NRXN3: variants seen among roughly 807,000 people sequenced by gnomAD.
NRXN3 encodes neurexin III.
Under a neutral mutation model 137.6 loss-of-function variants are expected in NRXN3, and 32 were observed. That is an observed-to-expected ratio of 0.23 (90% CI 0.18 to 0.31). NRXN3 has a LOEUF of 0.31. Ranked by LOEUF, NRXN3 falls within the 10% of genes least tolerant of loss-of-function variation. The pLI is 1.00. For synonymous variants in NRXN3, 798 were observed against 784.5 expected (o/e 1.02, Z -0.29); for missense variants, 1,574 against 2,062.5 (o/e 0.76, Z 4.59).
At chr14:78,191,045 A>G (rs1268391631) in intron 1 of NRXN3, among the ~76,000 whole-genome samples, 1 of 152,188 alleles carries the variant, frequency 6.6e-6, no homozygotes, top group Non-Finnish European at 1.5e-5. Flanking sequence ...ATAAGGGAAG[A>G]CAATGAAATT....
At chr14:78,857,452 A>T (rs1410274748) in intron 10 of NRXN3, among the ~76,000 whole-genome samples, 1 of 152,138 alleles carries the variant, frequency 6.6e-6, no homozygotes, top group Non-Finnish European at 1.5e-5. Context: ...TAGAAATTTG[A>T]TGCGTCCAAA....
intron 17 of NRXN3, among the ~76,000 whole-genome samples, chr14:79,668,245 A>G (rs761098548): frequency 5.3e-4 from 80 of 152,118 alleles, no homozygotes; most frequent in Non-Finnish European, 5.3e-4. Context: ...CAAATTCCAC[A>G]GAAACTTGTC....
chr14:79,447,429 C>T (rs1399035671), intron 15 of NRXN3, among the ~76,000 whole-genome samples: 2 of 152,150 alleles, frequency 1.3e-5, no homozygotes, highest in Non-Finnish European at 2.9e-5. Context: ...AAAAAGGTAG[C>T]AGCAATTTGC....
intron 15 of NRXN3, among the ~76,000 whole-genome samples, chr14:79,106,507 A>C (rs574832581): frequency 6.6e-6 from 1 of 152,238 alleles, no homozygotes; most frequent in East Asian, 1.9e-4. Flanking sequence ...AAGTGCATTA[A>C]AAAAAGAGCA....
rs2098831062 is a variant in NRXN3 at position 78,799,011 on chromosome 14, G to A, written c.2045-4609G>A. Among the ~76,000 whole-genome samples, 6 of 152,332 alleles carry A rather than the reference G, an allele frequency of 3.9e-5. No homozygotes were observed. In the South Asian group the frequency reaches 1.2e-3, roughly 32 times the overall value. On this transcript the variant is annotated intron_variant, in intron 8 of 20. Coordinates refer to ENST00000335750, the MANE Select transcript of NRXN3 (RefSeq NM_001330195.2). ...TGGGGCACCTGCAGTTGGAGAGGCT[G>A]CCATAAAGGTCTCTGACATACCCTG...
At chr14:78,289,250 T>G (rs1428778185) in intron 3 of NRXN3, among the ~76,000 whole-genome samples, 1 of 152,228 alleles carries the variant, frequency 6.6e-6, no homozygotes. Flanking sequence ...AGGTGATTAT[T>G]TGAAGCTTTG....
intron 15 of NRXN3, among the ~76,000 whole-genome samples, chr14:79,324,013 G>A (rs974589031): frequency 6.6e-6 from 1 of 152,202 alleles, no homozygotes; most frequent in Non-Finnish European, 1.5e-5. Flanking sequence ...GAAAATATTT[G>A]TTAAGCACGA....
intron 4 of NRXN3, among the ~76,000 whole-genome samples, chr14:78,570,235 A>G (rs1327859268): frequency 6.6e-6 from 1 of 152,122 alleles, no homozygotes; most frequent in Non-Finnish European, 1.5e-5. Context: ...GACCCCAGAG[A>G]GTTCCCTCAC....
At chr14:79,122,351 T>C (rs553348290) in intron 15 of NRXN3, among the ~76,000 whole-genome samples, 1 of 152,302 alleles carries the variant, frequency 6.6e-6, no homozygotes, top group Non-Finnish European at 1.5e-5. Context: ...GCCAGAGGCA[T>C]GTTCTGACTT....
intron 15 of NRXN3, among the ~76,000 whole-genome samples, chr14:79,108,784 T>C (rs2052936759): frequency 6.6e-6 from 1 of 152,128 alleles, no homozygotes; most frequent in African/African-American, 2.4e-5. Flanking sequence ...TTTTCCTTTC[T>C]AGAAGAAGGG....
At chr14:78,402,120 A>C (rs1015724170) in intron 4 of NRXN3, among the ~76,000 whole-genome samples, 1 of 152,204 alleles carries the variant, frequency 6.6e-6, no homozygotes, top group African/African-American at 2.4e-5. Flanking sequence ...CCTGCATAGG[A>C]TCTATGTGTG....
At chr14:78,505,311 G>A (rs937859518) in intron 4 of NRXN3, among the ~76,000 whole-genome samples, 6 of 152,124 alleles carry the variant, frequency 3.9e-5, no homozygotes, top group African/African-American at 1.4e-4. Context: ...CTTGTTTTTA[G>A]CTGGGCCAAA....
chr14:78,802,257 A>T (rs1455553681), intron 8 of NRXN3, among the ~76,000 whole-genome samples: 1 of 152,186 alleles, frequency 6.6e-6, no homozygotes, highest in African/African-American at 2.4e-5. Flanking sequence ...TGACTTTGGG[A>T]TGATAACATA....
At chr14:79,109,046 G>A (rs1482767200) in intron 15 of NRXN3, among the ~76,000 whole-genome samples, 5 of 152,148 alleles carry the variant, frequency 3.3e-5, no homozygotes, top group South Asian at 2.1e-4. Context: ...CAGGTAGAGC[G>A]TACTATTTCA....
At chr14:78,891,622 A>G (rs1177190144) in intron 10 of NRXN3, among the ~76,000 whole-genome samples, 6 of 152,000 alleles carry the variant, frequency 3.9e-5, no homozygotes, top group African/African-American at 1.2e-4. Context: ...ATGAACACAG[A>G]TGGACACTCT....
Position 79,233,292 on chromosome 14 carries a change from T to C in NRXN3, c.3263-233929T>C, listed in dbSNP as rs548707648. Among the ~76,000 whole-genome samples, 336 of 152,226 alleles carry C rather than the reference T, an allele frequency of 2.2e-3. 1 individual carries two copies. The highest frequency in any genetic ancestry group is 3.7e-3 in the Non-Finnish European group (251 of 68,012). ...TACTACATTTACCCTTCAACAAACA[T>C]GTGGTGGGAGTCAACTGTGCGCAAC... On this transcript the variant is annotated intron_variant, in intron 15 of 20. Coordinates refer to ENST00000335750, the MANE Select transcript of NRXN3 (RefSeq NM_001330195.2).
intron 15 of NRXN3, among the ~76,000 whole-genome samples, chr14:79,015,267 G>A (rs2099577436): frequency 6.6e-6 from 1 of 152,160 alleles, no homozygotes. Flanking sequence ...GAATGACCCT[G>A]AGCAAACGGT....
chr14:79,335,526 C>G (rs2092181956), intron 15 of NRXN3, among the ~76,000 whole-genome samples: 1 of 151,984 alleles, frequency 6.6e-6, no homozygotes, highest in Admixed American at 6.6e-5. Context: ...ACTCCTTTTA[C>G]TCTTTTTATT....
Position 78,726,969 on chromosome 14 carries a change from A to C in NRXN3, c.2044+11830A>C, listed in dbSNP as rs539636571. On this transcript the variant is annotated intron_variant, in intron 8 of 20. Coordinates refer to ENST00000335750, the MANE Select transcript of NRXN3 (RefSeq NM_001330195.2). The stretch of plus-strand genomic sequence containing the variant: ...ACAGGATTTATTCACTAAAAAAAAA[A>C]AAAAAAAAACCTTCACTAGGTGCTT... Among the ~76,000 whole-genome samples the C allele has an allele frequency of 4.6e-5, 7 of 151,856 alleles. No homozygotes were observed. In the East Asian group the frequency reaches 1.4e-3, roughly 29 times the overall value.
Sources: gnomAD v4.1 joint callset for allele counts (sites outside exome capture counted in the v4.1 genomes callset) on GRCh38, gnomAD v4.1.1 for gene constraint, MANE v1.5 for transcripts, NCBI Gene and HGNC (gene_info 2026-07-23, HGNC 2026-07-21) for gene names.